NCKAP1: variants seen among roughly 807,000 people sequenced by gnomAD.
The protein encoded by NCKAP1 is NCK associated protein 1.
NCKAP1 carries 21 observed loss-of-function variants against 151.2 expected under a neutral mutation model. The observed-to-expected ratio is 0.14, with a 90% CI of 0.10 to 0.20. The LOEUF (loss-of-function observed/expected upper bound fraction) is 0.20. NCKAP1 is among the 10% of genes least tolerant of loss of function. The pLI is 1.00. For synonymous variants in NCKAP1, 484 were observed against 451.8 expected, an observed-to-expected ratio of 1.07 and a Z score of -0.90; for missense variants, 933 against 1,352.1, an observed-to-expected ratio of 0.69 and a Z score of 4.86.
chr2:182,963,942 G>C (rs948575924), intron 17 of NCKAP1, among the ~76,000 whole-genome samples: 1 of 152,100 alleles, frequency 6.6e-6, no homozygotes, highest in African/African-American at 2.4e-5. Context: ...AACAGATGTT[G>C]TCTAATGCTT....
intron 24 of NCKAP1, among the ~76,000 whole-genome samples, chr2:182,939,930 A>G (rs1291919188): frequency 2.6e-5 from 4 of 152,242 alleles, no homozygotes; most frequent in Non-Finnish European, 4.4e-5. Context: ...GCCAATTCCA[A>G]AATGGCCAAT....
intron 24 of NCKAP1, among the ~76,000 whole-genome samples, chr2:182,937,667 A>T (rs921044535): frequency 6.6e-6 from 1 of 150,844 alleles, no homozygotes. Flanking sequence ...GACCCAAATT[A>T]AAAAAAAAAT....
intron 2 of NCKAP1, among the ~76,000 whole-genome samples, chr2:183,015,944 A>C (rs1698679119): frequency 6.6e-6 from 1 of 152,118 alleles, no homozygotes; most frequent in Non-Finnish European, 1.5e-5. Context: ...ACTAACAAAA[A>C]ACACTGGGAA....
chr2:183,033,070 T>C (rs908882579), intron 1 of NCKAP1, among the ~76,000 whole-genome samples: 4 of 152,090 alleles, frequency 2.6e-5, no homozygotes, highest in African/African-American at 4.8e-5. Flanking sequence ...AAGAAATGCA[T>C]TTAACACACC....
Position 182,909,892 on chromosome 2 carries a change from A to G in NCKAP1, c.*15810T>C, listed in dbSNP as rs762046293. 6.6e-6 allele frequency: 1 copy of G among 152,226 alleles called. No individual in the cohort carries two copies. The highest frequency in any genetic ancestry group is 1.5e-5 in the Non-Finnish European group (1 of 68,042). 9.4% of individuals were successfully genotyped at this position (152,226 alleles called of 1,614,324 possible). On this transcript the variant is annotated 3_prime_UTR_variant, in exon 31 of 31. Coordinates refer to ENST00000361354, the MANE Select transcript of NCKAP1 (RefSeq NM_013436.5). The stretch of plus-strand genomic sequence containing the variant: ...CCACCGATTTAGATAAGGGCCAAAT[A>G]GCCTCCTGATCCAAGGCCACAAATT...
intron 18 of NCKAP1, among the ~76,000 whole-genome samples, chr2:182,957,849 G>A (rs956578123): frequency 1.3e-5 from 2 of 152,096 alleles, no homozygotes; most frequent in Non-Finnish European, 2.9e-5. Context: ...ATTCATAGAC[G>A]CTTATTTAAA....
chr2:182,946,880 C>A (rs1697119952), intron 23 of NCKAP1: 1 of 151,988 alleles, frequency 6.6e-6, no homozygotes, highest in African/African-American at 2.4e-5. Flanking sequence ...AGATAAAATG[C>A]AGAAGCAAGT....
chr2:182,986,961 G>C (rs1698068546), intron 9 of NCKAP1, among the ~76,000 whole-genome samples: 2 of 152,076 alleles, frequency 1.3e-5, no homozygotes, highest in African/African-American at 4.8e-5. Flanking sequence ...TTACACTATG[G>C]CCAGGTACGG....
intron 25 of NCKAP1, among the ~76,000 whole-genome samples, chr2:182,935,061 A>G (rs1279696855): frequency 6.6e-6 from 1 of 152,210 alleles, no homozygotes; most frequent in African/African-American, 2.4e-5. Flanking sequence ...GATAATGAAG[A>G]TCACTGAAAA....
In NCKAP1 at chr2:182,921,345, TG is replaced by T. The variant is rs1285740778; in HGVS notation, c.*4356del. Reference sequence around the variant, plus strand: ...TGGTAATCTTCAGTTTAGGTCTTGGTGAAATAATTTCAAGCCTTAGCCATTG... The same window carrying T: ...TGGTAATCTTCAGTTTAGGTCTTGGTAAATAATTTCAAGCCTTAGCCATTG... On this transcript the variant is annotated 3_prime_UTR_variant, in exon 31 of 31. Transcript: ENST00000361354. The T allele has an allele frequency of 7.2e-5, 11 of 152,186 alleles. No homozygotes were observed. Among genetic ancestry groups the T allele is most frequent in the Admixed American group, 7.2e-4 (11 of 15,272 alleles). The allele number at this position is 152,186 out of a possible 1,614,324, so 9.4% of individuals were successfully genotyped here. A position where few individuals can be genotyped will look rare whatever the true frequency, so the allele number is the denominator to read the frequency against.
At chr2:182,989,215 T>A in intron 8 of NCKAP1, 29 bp from the exon 9 acceptor site, 1 of 1,551,058 alleles carries the variant, frequency 6.4e-7, no homozygotes, top group Non-Finnish European at 8.7e-7. Flanking sequence ...CAAATACAAA[T>A]GTAAATGTAC....
rs140501204 is a variant in NCKAP1, at chr2:183,036,797, C to G, written c.108+1195G>C. ...AAAATAAATCAATTTTACACTCAAA[C>G]GCTTGGAAATGAATTTCCAAAGAAA... is the stretch of plus-strand genomic sequence containing the variant. On this transcript the variant is annotated intron_variant, in intron 1 of 30. Transcript: ENST00000361354. Among the ~76,000 whole-genome samples, 1,032 of 148,482 alleles carry G rather than the reference C, an allele frequency of 7.0e-3. 5 individuals carry two copies. The highest frequency in any genetic ancestry group is 0.014 in the Middle Eastern group (4 of 292).
intron 13 of NCKAP1, among the ~76,000 whole-genome samples, chr2:182,979,752 C>T (rs1431802185): frequency 6.6e-6 from 1 of 152,008 alleles, no homozygotes; most frequent in Non-Finnish European, 1.5e-5. Flanking sequence ...TGGTAAAATG[C>T]TCAGGCTTTG....
At chr2:182,938,979 A>T (rs1696939621) in intron 24 of NCKAP1, among the ~76,000 whole-genome samples, 1 of 152,214 alleles carries the variant, frequency 6.6e-6, no homozygotes, top group African/African-American at 2.4e-5. Context: ...AATTTCAGGA[A>T]ATAATAACAT....
intron 1 of NCKAP1, among the ~76,000 whole-genome samples, chr2:183,025,354 G>T (rs1698875712): frequency 6.6e-6 from 1 of 152,046 alleles, no homozygotes; most frequent in African/African-American, 2.4e-5. Context: ...ACCTTAAAAA[G>T]AAACGGTAGC....
chr2:183,019,828 T>C (rs1698762074), intron 2 of NCKAP1, among the ~76,000 whole-genome samples: 1 of 152,156 alleles, frequency 6.6e-6, no homozygotes, highest in Non-Finnish European at 1.5e-5. Context: ...CCTCATTCCT[T>C]GGTCCTAGAT....
intron 18 of NCKAP1, among the ~76,000 whole-genome samples, chr2:182,958,570 G>A (rs1189458172): frequency 2.0e-5 from 3 of 152,192 alleles, no homozygotes. Context: ...AAATAGGCAA[G>A]TGTAATAAAA....
chr2:182,952,754 T>A, intron 22 of NCKAP1, 39 bp downstream of exon 22: 1 of 1,517,808 alleles, frequency 6.6e-7, no homozygotes, highest in Non-Finnish European at 8.9e-7. Flanking sequence ...AAGAATTAAG[T>A]GTTCTTCATT....
chr2:182,929,163 A>G (rs1696709148), intron 27 of NCKAP1, among the ~76,000 whole-genome samples: 1 of 151,686 alleles, frequency 6.6e-6, no homozygotes, highest in Non-Finnish European at 1.5e-5. Flanking sequence ...GTAAGATTTT[A>G]TTTTTTTTAA....
Sources: gnomAD v4.1 joint callset for allele counts (sites outside exome capture counted in the v4.1 genomes callset) on GRCh38, gnomAD v4.1.1 for gene constraint, MANE v1.5 for transcripts, NCBI Gene and HGNC (gene_info 2026-07-23, HGNC 2026-07-21) for gene names.